The following MS4A15 variants were observed in gnomAD, a reference collection of about 807,000 sequenced individuals.
MS4A15 encodes the protein membrane-spanning 4-domains subfamily A member 15.
In MS4A15, 22 loss-of-function variants were observed where a neutral mutation model predicts 20.6. The observed-to-expected ratio is 1.07, with a 90% CI of 0.76 to 1.52. The LOEUF (loss-of-function observed/expected upper bound fraction) is 1.52. MS4A15 is among the 40% of genes most tolerant of loss of function. The pLI is 0.00. For missense variants in MS4A15, 312 were observed against 323.0 expected, an observed-to-expected ratio of 0.97 and a Z score of 0.26; for synonymous variants, 129 against 129.3, an observed-to-expected ratio of 1.00 and a Z score of 0.02.
At chr11:60,770,854 C>T (rs1008192055) in intron 3 of MS4A15, among the ~76,000 whole-genome samples, 5 of 151,738 alleles carry the variant, frequency 3.3e-5, no homozygotes, top group Non-Finnish European at 4.4e-5. Flanking sequence ...TACAGGTGCA[C>T]GCCACTCTGC....
At chr11:60,770,332 G>C (rs1024770733) in intron 3 of MS4A15, among the ~76,000 whole-genome samples, 2 of 152,136 alleles carry the variant, frequency 1.3e-5, no homozygotes, top group Admixed American at 1.3e-4. Flanking sequence ...GGGCACGGTG[G>C]CTGATGACTG....
chr11:60,763,383 A>G (rs1295773182), intron 1 of MS4A15, among the ~76,000 whole-genome samples: 4 of 152,178 alleles, frequency 2.6e-5, no homozygotes, highest in Non-Finnish European at 4.4e-5. Flanking sequence ...TAGGTAAGTC[A>G]CTTGCCCTTT....
chr11:60,763,227 G>C (rs1456627936), intron 1 of MS4A15, among the ~76,000 whole-genome samples: 2 of 152,102 alleles, frequency 1.3e-5, no homozygotes, highest in Non-Finnish European at 1.5e-5. Context: ...TCCCACAGCA[G>C]GTGGGAAGTT....
At chr11:60,773,511 G>A (rs1219689968) in intron 5 of MS4A15, 27 bp downstream of exon 5, 1 of 1,597,376 alleles carries the variant, frequency 6.3e-7, no homozygotes, top group Admixed American at 1.7e-5. Context: ...CCCTCGGGGT[G>A]GGAAAACTTG....
chr11:60,757,884 T>C (rs1224395435), intron 1 of MS4A15, among the ~76,000 whole-genome samples: 2 of 152,212 alleles, frequency 1.3e-5, no homozygotes, highest in Non-Finnish European at 2.9e-5. Context: ...TTCCCTGTTA[T>C]TGTTCAAAGC....
intron 6 of MS4A15, among the ~76,000 whole-genome samples, 183 bp downstream of exon 6, chr11:60,774,133 C>A (rs1315668741): frequency 6.6e-6 from 1 of 152,116 alleles, no homozygotes; most frequent in Non-Finnish European, 1.5e-5. Context: ...AGTCTTTGGG[C>A]TGGGCATGGT....
At chr11:60,761,448 G>A (rs1853737132) in intron 1 of MS4A15, among the ~76,000 whole-genome samples, 1 of 152,192 alleles carries the variant, frequency 6.6e-6, no homozygotes, top group Admixed American at 6.5e-5. Context: ...GGGGATATAA[G>A]TTTGAGGCCA....
rs201303388 is a variant in MS4A15, at chr11:60,767,521, G to C, written c.226-12G>C. 2 of 1,512,854 alleles carry C rather than the reference G, an allele frequency of 1.3e-6. No individual in the cohort carries two copies. Among genetic ancestry groups the C allele is most frequent in the Non-Finnish European group, 1.8e-6 (2 of 1,124,308 alleles). The allele number at this position is 1,512,854 out of a possible 1,614,324, so 93.7% of individuals were successfully genotyped here. A position where few individuals can be genotyped will look rare whatever the true frequency, so the allele number is the denominator to read the frequency against. ...CAGGGCCCGCGGCACTGAGCCTCGG[G>C]GCTTCCCGCAGACGGTGCAGATCCT... On this transcript the variant is annotated splice_polypyrimidine_tract_variant and intron_variant, in intron 2 of 6. Transcript: ENST00000405633.
chr11:60,773,956 T>TCCCCCCCCCCCCCCCCC lies in MS4A15; in HGVS notation c.612+6_612+7insCCCCCCCCCCCCCCCCC. 6.2e-7 allele frequency: 1 copy of TCCCCCCCCCCCCCCCCC among 1,606,324 alleles called. No individual in the cohort carries two copies. Among genetic ancestry groups the TCCCCCCCCCCCCCCCCC allele is most frequent in the Non-Finnish European group, 8.5e-7 (1 of 1,173,646 alleles). On this transcript the variant is annotated splice_region_variant and intron_variant, in intron 6 of 6. Transcript: ENST00000405633. ...TCCATGCCCAGGCCAGTGCAGTGAG[T>TCCCCCCCCCCCCCCCCC]ACCCCCACCCCCACCCCCACGTCCA...
intron 6 of MS4A15, 85 bp downstream of exon 6, chr11:60,774,035 C>T: frequency 1.1e-6 from 1 of 939,932 alleles, no homozygotes; most frequent in East Asian, 2.5e-5. Context: ...CGCGCTCTGC[C>T]TCCAGACCCC....
In MS4A15 at chr11:60,772,744, C is replaced by T. The variant is rs1033585116; in HGVS notation, c.406-648C>T. 7.2e-5 allele frequency among the ~76,000 whole-genome samples: 11 copies of T among 152,256 alleles called. No individual in the cohort carries two copies. The South Asian group carries it at 1.7e-3, about 23-fold the overall frequency. ...ACGAGACCGTCAGGTTCGGGCTGCA[C>T]GGGGATGGTGACCCCTGGGTGGCTG... On this transcript the variant is annotated intron_variant, in intron 4 of 6. Coordinates refer to ENST00000405633, the MANE Select transcript of MS4A15 (RefSeq NM_001098835.2).
At chr11:60,761,379 G>A (rs1212023474) in intron 1 of MS4A15, among the ~76,000 whole-genome samples, 2 of 152,168 alleles carry the variant, frequency 1.3e-5, no homozygotes, top group African/African-American at 4.8e-5. Flanking sequence ...ATCTTACTGA[G>A]GTCTCTAATG....
chr11:60,768,778 A>C (rs1031136567), intron 3 of MS4A15, among the ~76,000 whole-genome samples: 1 of 152,242 alleles, frequency 6.6e-6, no homozygotes, highest in African/African-American at 2.4e-5. Flanking sequence ...ACTGTTGAGC[A>C]AGTCCTTTTT....
At chr11:60,764,625 T>A (rs2134709143) in intron 2 of MS4A15, among the ~76,000 whole-genome samples, 1 of 152,262 alleles carries the variant, frequency 6.6e-6, no homozygotes, top group East Asian at 1.9e-4. Flanking sequence ...AAAGAAAAGC[T>A]TTAGGCCAGG....
intron 4 of MS4A15, among the ~76,000 whole-genome samples, chr11:60,772,162 G>C (rs1475589079): frequency 6.6e-6 from 1 of 152,224 alleles, no homozygotes; most frequent in Non-Finnish European, 1.5e-5. Context: ...AACCACGGAA[G>C]AGCCCGGTCG....
intron 1 of MS4A15, among the ~76,000 whole-genome samples, chr11:60,757,511 C>T (rs1325812627): frequency 1.3e-5 from 2 of 152,072 alleles, no homozygotes; most frequent in Non-Finnish European, 2.9e-5. Flanking sequence ...GGGAGGCGGG[C>T]GGGGGGTCCT....
intron 1 of MS4A15, among the ~76,000 whole-genome samples, chr11:60,761,984 G>A (rs1235827898): frequency 6.6e-6 from 1 of 152,196 alleles, no homozygotes; most frequent in Admixed American, 6.5e-5. Flanking sequence ...TTGGCTGCCT[G>A]TAAATTTAGC....
chr11:60,760,844 G>T (rs1016328128), intron 1 of MS4A15, among the ~76,000 whole-genome samples: 3 of 152,224 alleles, frequency 2.0e-5, no homozygotes, highest in Admixed American at 6.5e-5. Flanking sequence ...GACTCAGAAG[G>T]CACCTGACAT....
Position 60,761,835 on chromosome 11 carries a change from T to C in MS4A15, c.-28-1871T>C, listed in dbSNP as rs1853749198. 2.0e-5 allele frequency among the ~76,000 whole-genome samples: 3 copies of C among 152,230 alleles called. No homozygotes were observed. The South Asian group carries it at 6.2e-4, about 32-fold the overall frequency. On this transcript the variant is annotated intron_variant, in intron 1 of 6. Transcript: ENST00000405633. ...TATATACTTTTGTTTGGGCAAAGTG[T>C]TCCTAATATAGAGCAGAATCAATCC... is the stretch of plus-strand genomic sequence containing the variant.
Sources: gnomAD v4.1 joint callset for allele counts (sites outside exome capture counted in the v4.1 genomes callset) on GRCh38, gnomAD v4.1.1 for gene constraint, MANE v1.5 for transcripts, NCBI Gene and HGNC (gene_info 2026-07-23, HGNC 2026-07-21) for gene names.